Variants in ABCB4 observed in about 807,000 individuals in gnomAD.
ABCB4 encodes phosphatidylcholine translocator ABCB4.
In ABCB4, 76 loss-of-function variants were observed where a neutral mutation model predicts 145.7. The observed-to-expected ratio is 0.52, with a 90% CI of 0.43 to 0.63. ABCB4 has a LOEUF of 0.63. Ranked by LOEUF, ABCB4 falls within the 30% of genes least tolerant of loss-of-function variation. ABCB4 has a pLI of 0.00. For missense variants in ABCB4, 1,234 were observed against 1,553.1 expected (o/e 0.79, Z 3.45); for synonymous variants, 517 against 566.8 (o/e 0.91, Z 1.25).
intron 14 of ABCB4, among the ~76,000 whole-genome samples, chr7:87,433,669 G>GTTTTTTT (rs752621529): frequency 4.0e-4 from 49 of 124,038 alleles, no homozygotes; most frequent in South Asian, 1.2e-3. Flanking sequence ...ACAAAAAATT[G>GTTTTTTT]TTGTTGTTTT....
At chr7:87,466,812 G>A (rs1017963276) in intron 3 of ABCB4, among the ~76,000 whole-genome samples, 80 of 152,172 alleles carry the variant, frequency 5.3e-4, no homozygotes, top group African/African-American at 1.8e-3. Flanking sequence ...CTTCATAAGC[G>A]AAGGAGAAAT....
chr7:87,384,347 CAT>C, the ABCB4 span, among the ~76,000 whole-genome samples: 1 of 152,138 alleles, frequency 6.6e-6, no homozygotes, highest in Non-Finnish European at 1.5e-5. Context: ...GCCTGGCCAA[CAT>C]AGCGAAACCC....
intron 19 of ABCB4, among the ~76,000 whole-genome samples, 189 bp from the exon 20 acceptor site, chr7:87,418,809 G>A (rs561151334): frequency 6.6e-6 from 1 of 152,256 alleles, no homozygotes; most frequent in Admixed American, 6.5e-5. Flanking sequence ...ACTGCTCTGT[G>A]GTAGCAGGGA....
intron 26 of ABCB4, 108 bp from the exon 27 acceptor site, chr7:87,403,389 GT>G: frequency 9.3e-7 from 1 of 1,074,710 alleles, no homozygotes. Flanking sequence ...CTATAACGTT[GT>G]TTCAACTTAA....
downstream of ABCB4, among the ~76,000 whole-genome samples, chr7:87,401,186 ATGGCT>A (rs1807764315): frequency 6.6e-6 from 1 of 152,202 alleles, no homozygotes; most frequent in Non-Finnish European, 1.5e-5. Flanking sequence ...CTTTGGTAAT[ATGGCT>A]TATTACAGTT....
the ABCB4 span, among the ~76,000 whole-genome samples, chr7:87,376,429 C>T: frequency 3.3e-5 from 5 of 151,986 alleles, no homozygotes; most frequent in African/African-American, 9.7e-5. Flanking sequence ...ATGTCAGTGA[C>T]GTTAAGGGTA....
At chr7:87,468,692 G>A (rs1813107970) in intron 3 of ABCB4, among the ~76,000 whole-genome samples, 1 of 152,118 alleles carries the variant, frequency 6.6e-6, no homozygotes. Context: ...CAGCACTTTG[G>A]GAGGCTGAGG....
At chr7:87,372,007 C>CAAAAAAAAAAAAA in the ABCB4 span, among the ~76,000 whole-genome samples, 3 of 124,000 alleles carry the variant, frequency 2.4e-5, no homozygotes, top group Non-Finnish European at 3.3e-5. Flanking sequence ...AAAAAAAAAA[C>CAAAAAAAAAAAAA]AAAAAAAAAA....
chr7:87,424,411 A>G lies in ABCB4; in HGVS notation c.2065-359T>C, dbSNP rs1478123215. Among the ~76,000 whole-genome samples the G allele has an allele frequency of 3.3e-5, 5 of 152,216 alleles. No individual in the cohort carries two copies. In the East Asian group the frequency reaches 7.7e-4, roughly 23 times the overall value. On this transcript the variant is annotated intron_variant, in intron 16 of 27. Coordinates refer to ENST00000649586, the MANE Select transcript of ABCB4 (RefSeq NM_000443.4). ...GGTGTGACAGTCATGGCTGGACCAC[A>G]TAAGCCGAGCTGCAGTTTTCTCATA...
At chr7:87,462,635 C>T in intron 4 of ABCB4, 123 bp downstream of exon 4, 1 of 898,650 alleles carries the variant, frequency 1.1e-6, no homozygotes, top group South Asian at 1.5e-5. Context: ...TCTATGATAT[C>T]TGGAGTCAAC....
intron 12 of ABCB4, among the ~76,000 whole-genome samples, chr7:87,442,752 A>C (rs1487277555): frequency 6.6e-6 from 1 of 152,172 alleles, no homozygotes; most frequent in East Asian, 1.9e-4. Context: ...CTCTAGTTAC[A>C]ATTTTCTGTA....
At chr7:87,392,512 C>T in the ABCB4 span, 8 of 1,389,172 alleles carry the variant, frequency 5.8e-6, no homozygotes, top group Admixed American at 7.6e-5. Flanking sequence ...GGATTTTTTT[C>T]TAGTTGGGTT....
At chr7:87,457,099 G>A (rs548040099) in intron 4 of ABCB4, among the ~76,000 whole-genome samples, 3 of 152,254 alleles carry the variant, frequency 2.0e-5, no homozygotes, top group African/African-American at 7.2e-5. Flanking sequence ...AGAATCTCTG[G>A]TTGAGTCCAG....
At chr7:87,381,910 C>A in the ABCB4 span, 1 of 1,597,984 alleles carries the variant, frequency 6.3e-7, no homozygotes, top group Non-Finnish European at 8.5e-7. Context: ...CTCATTTTAG[C>A]ATGCTCCTTT....
chr7:87,425,559 G>C (rs1448673750), intron 16 of ABCB4, among the ~76,000 whole-genome samples: 1 of 152,110 alleles, frequency 6.6e-6, no homozygotes. Flanking sequence ...CAACACAAGA[G>C]TAAAAATAAA....
At chr7:87,382,679 CATCAATAGAGTATT>C in the ABCB4 span, 1 of 802,120 alleles carries the variant, frequency 1.2e-6, no homozygotes. Context: ...TTTGTACTTC[CATCAATAGAGTATT>C]AGATTTCTGA....
chr7:87,442,006 G>T (rs1454310177), intron 12 of ABCB4, among the ~76,000 whole-genome samples: 2 of 152,166 alleles, frequency 1.3e-5, no homozygotes, highest in South Asian at 4.1e-4. Flanking sequence ...TATTATTTCA[G>T]TGGTAAGAAA....
chr7:87,391,565 C>T, the ABCB4 span: 13 of 1,578,860 alleles, frequency 8.2e-6, no homozygotes, highest in African/African-American at 1.4e-5. Flanking sequence ...TCTTATGATA[C>T]ACTCTTTTAA....
intron 5 of ABCB4, among the ~76,000 whole-genome samples, chr7:87,454,121 C>T (rs1372890582): frequency 6.6e-6 from 1 of 152,172 alleles, no homozygotes; most frequent in Non-Finnish European, 1.5e-5. Flanking sequence ...AGCATACAGA[C>T]AGCACTCGTT....
Sources: gnomAD v4.1 joint callset for allele counts (sites outside exome capture counted in the v4.1 genomes callset) on GRCh38, gnomAD v4.1.1 for gene constraint, MANE v1.5 for transcripts, NCBI Gene and HGNC (gene_info 2026-07-23, HGNC 2026-07-21) for gene names.